RFX7: variants seen among roughly 807,000 people sequenced by gnomAD.
The protein encoded by RFX7 is DNA-binding protein RFX7.
RFX7 carries 26 observed loss-of-function variants against 111.8 expected under a neutral mutation model. The observed-to-expected ratio is 0.23, with a 90% CI of 0.17 to 0.32. RFX7 has a LOEUF of 0.32. Ranked by LOEUF, RFX7 falls within the 10% of genes least tolerant of loss-of-function variation. The probability of loss-of-function intolerance (pLI) is 1.00; values close to 1 mark genes in which losing one functional copy is unlikely to be tolerated. For missense variants in RFX7, 1,573 were observed against 1,772.9 expected (o/e 0.89, Z 2.02); for synonymous variants, 624 against 624.4 (o/e 1.00, Z 0.01).
chr15:56,139,762 C>G (rs2042361642), intron 5 of RFX7, among the ~76,000 whole-genome samples: 1 of 151,756 alleles, frequency 6.6e-6, no homozygotes, highest in Non-Finnish European at 1.5e-5. Flanking sequence ...TACTTTTGGT[C>G]TTTGATGATG....
At chr15:56,108,525 A>ATT (rs2041861930) in intron 5 of RFX7, among the ~76,000 whole-genome samples, 1 of 152,178 alleles carries the variant, frequency 6.6e-6, no homozygotes, top group Admixed American at 6.5e-5. Context: ...AACTCTCAAT[A>ATT]AACTAGGTAT....
At chr15:56,102,846 T>G (rs1427592237) in intron 6 of RFX7, among the ~76,000 whole-genome samples, 1 of 152,126 alleles carries the variant, frequency 6.6e-6, no homozygotes, top group Admixed American at 6.5e-5. Flanking sequence ...TCTCATCTCC[T>G]CCATTTTATG....
At chr15:56,125,406 A>G (rs894449423) in intron 5 of RFX7, among the ~76,000 whole-genome samples, 3 of 152,066 alleles carry the variant, frequency 2.0e-5, no homozygotes, top group Non-Finnish European at 2.9e-5. Flanking sequence ...CAGTATTTTG[A>G]TAGGAATTGC....
intron 2 of RFX7, among the ~76,000 whole-genome samples, chr15:56,226,160 A>T (rs1171849581): frequency 6.6e-6 from 1 of 152,126 alleles, no homozygotes; most frequent in Middle Eastern, 3.2e-3. Context: ...TTGAGGAAAT[A>T]CTTCCTTTCA....
intron 2 of RFX7, among the ~76,000 whole-genome samples, chr15:56,240,444 A>C (rs768337746): frequency 5.3e-5 from 8 of 152,130 alleles, no homozygotes; most frequent in South Asian, 2.1e-4. Context: ...CTTTTTTTCC[A>C]GACTCATTTA....
chr15:56,154,048 A>C (rs1297619984), intron 3 of RFX7, among the ~76,000 whole-genome samples: 1 of 152,186 alleles, frequency 6.6e-6, no homozygotes. Context: ...CTACTAAGAG[A>C]ATAAAATACC....
intron 5 of RFX7, among the ~76,000 whole-genome samples, chr15:56,134,910 C>G (rs1259225605): frequency 6.6e-6 from 1 of 151,950 alleles, no homozygotes; most frequent in East Asian, 1.9e-4. Context: ...TGATGTTTTC[C>G]AATTTCATCC....
At chr15:56,229,052 G>A (rs147246823) in intron 2 of RFX7, among the ~76,000 whole-genome samples, 4 of 152,290 alleles carry the variant, frequency 2.6e-5, no homozygotes, top group African/African-American at 9.6e-5. Flanking sequence ...CTAAAGGACA[G>A]GATGGAGCAG....
chr15:56,121,724 T>G (rs1296895559), intron 5 of RFX7, among the ~76,000 whole-genome samples: 2 of 152,238 alleles, frequency 1.3e-5, no homozygotes, highest in East Asian at 1.9e-4. Context: ...TTTTTTATTG[T>G]TTTTTTGTCT....
chr15:56,224,024 CT>C lies in RFX7; in HGVS notation c.161+19100del, dbSNP rs61411594. On this transcript the variant is annotated intron_variant, in intron 2 of 9. Coordinates refer to ENST00000559447, the MANE Select transcript of RFX7 (RefSeq NM_022841.7). Reference sequence around the variant, plus strand: ...GCGTAATTTAAAAATAATAAGCAGTCTTTTTTTTTTTTGAAGGATAACCTTC... The same window carrying C: ...GCGTAATTTAAAAATAATAAGCAGTCTTTTTTTTTTTGAAGGATAACCTTC... 5.7e-3 allele frequency among the ~76,000 whole-genome samples: 823 copies of C among 145,578 alleles called. 3 individuals are homozygous for C. The highest frequency in any genetic ancestry group is 0.015 in the African/African-American group (608 of 39,774).
At chr15:56,109,896 C>A (rs1366859632) in intron 5 of RFX7, among the ~76,000 whole-genome samples, 2 of 151,916 alleles carry the variant, frequency 1.3e-5, no homozygotes, top group Non-Finnish European at 2.9e-5. Flanking sequence ...CCGGCAGCCA[C>A]CCCGTCCGGG....
intron 2 of RFX7, among the ~76,000 whole-genome samples, chr15:56,214,639 C>T (rs184365390): frequency 4.0e-5 from 6 of 150,080 alleles, no homozygotes; most frequent in East Asian, 4.0e-4. Context: ...GGCGTGAACC[C>T]GGGAGGAGGA....
At chr15:56,185,287 G>A (rs16976792) in intron 2 of RFX7, among the ~76,000 whole-genome samples, 19,652 of 151,982 alleles carry the variant, frequency 0.13, 1,651 homozygotes, top group East Asian at 0.44. Flanking sequence ...CAGGGAATAT[G>A]GTTTTCATGA....
intron 3 of RFX7, among the ~76,000 whole-genome samples, chr15:56,163,694 A>G (rs1400411704): frequency 6.6e-6 from 1 of 152,218 alleles, no homozygotes; most frequent in Non-Finnish European, 1.5e-5. Context: ...TGTTTTACAC[A>G]GTGGCTGATC....
At chr15:56,173,038 T>A (rs1375657196) in intron 3 of RFX7, among the ~76,000 whole-genome samples, 1 of 152,098 alleles carries the variant, frequency 6.6e-6, no homozygotes, top group African/African-American at 2.4e-5. Flanking sequence ...TGAAGACAAC[T>A]TGACTGTCGT....
chr15:56,116,603 G>C (rs2042011636), intron 5 of RFX7, among the ~76,000 whole-genome samples: 2 of 152,188 alleles, frequency 1.3e-5, no homozygotes, highest in African/African-American at 4.8e-5. Flanking sequence ...AAAAAGGACA[G>C]AGACTTAAAT....
intron 5 of RFX7, among the ~76,000 whole-genome samples, chr15:56,118,416 C>T (rs1184827739): frequency 2.0e-5 from 3 of 152,122 alleles, no homozygotes; most frequent in Admixed American, 2.0e-4. Context: ...TAATTTTTAG[C>T]TCCCACAAAT....
At chr15:56,200,885 T>G (rs984075412) in intron 2 of RFX7, among the ~76,000 whole-genome samples, 2 of 151,676 alleles carry the variant, frequency 1.3e-5, no homozygotes, top group Non-Finnish European at 2.9e-5. Context: ...ATTTTTTGAA[T>G]GTACTTTAGG....
chr15:56,239,097 G>A (rs28538193), intron 2 of RFX7, among the ~76,000 whole-genome samples: 6 of 152,074 alleles, frequency 3.9e-5, no homozygotes, highest in African/African-American at 9.7e-5. Flanking sequence ...ACCTCCCAAA[G>A]TGTTAGGATT....
Sources: allele counts gnomAD v4.1 joint callset (sites outside exome capture counted in the v4.1 genomes callset), GRCh38; gene constraint gnomAD v4.1.1; transcripts MANE v1.5; gene names NCBI Gene and HGNC (gene_info 2026-07-23, HGNC 2026-07-21).